Variants in LTBP1 observed in about 807,000 individuals in gnomAD.
The protein encoded by LTBP1 is latent transforming growth factor beta binding protein 1.
LTBP1 carries 129 observed loss-of-function variants against 207.6 expected under a neutral mutation model. The ratio of observed to expected loss-of-function variants is 0.62; its 90% CI spans 0.54 to 0.72. The LOEUF (loss-of-function observed/expected upper bound fraction) is 0.72, where lower values mean the gene tolerates loss of function less well. LTBP1 is among the 30% of genes least tolerant of loss of function. The probability of loss-of-function intolerance (pLI) is 0.00; values close to 1 mark genes in which losing one functional copy is unlikely to be tolerated. For missense variants in LTBP1, 2,281 were observed against 2,217.2 expected (o/e 1.03, Z -0.58); for synonymous variants, 963 against 833.7 (o/e 1.16, Z -2.67).
Position 33,361,483 on chromosome 2 carries a change from C to T in LTBP1, c.4238C>T (p.Ser1413Leu). 1.1e-5 allele frequency: 18 copies of T among 1,611,794 alleles called. No individual in the cohort carries two copies. The highest frequency in any genetic ancestry group is 1.4e-5 in the Non-Finnish European group (17 of 1,179,284). Residue 1413 changes from serine to leucine, a missense_variant, in exon 28 of 34, where the codon TCA (serine) becomes TTA (leucine). Physicochemically the swap from Ser to Leu is moderately radical, Grantham distance 145. This residue lies in a region of LTBP1 where 1,671 missense variants were observed against 1,634.8 expected (regional missense o/e 1.02). Transcript: ENST00000404816. ...KGKGFVPAGESSSEAGGENYK... is the reference protein window; with the variant it reads ...KGKGFVPAGELSSEAGGENYK... The stretch of plus-strand genomic sequence containing the variant: ...AAAGGTTTTGTGCCTGCTGGAGAAT[C>T]ATCTTCTGAAGCTGGTGGTGAGAAC...
intron 2 of LTBP1, among the ~76,000 whole-genome samples, chr2:32,965,027 A>T (rs764104941): frequency 1.3e-5 from 2 of 152,136 alleles, no homozygotes; most frequent in African/African-American, 2.4e-5. Context: ...CGACAGAGCA[A>T]GACTATCTTA....
Position 33,261,404 on chromosome 2 carries a change from G to A in LTBP1, c.2419-1318G>A, listed in dbSNP as rs117523483. On this transcript the variant is annotated intron_variant, in intron 13 of 33. Transcript: ENST00000404816. The stretch of plus-strand genomic sequence containing the variant: ...GTTTTAAGAAGACAGAGGAAATGTG[G>A]GAAAAACTATTAAGTGCTCAGTATT... Among the ~76,000 whole-genome samples, 41 of 152,266 alleles carry A rather than the reference G, an allele frequency of 2.7e-4. 1 individual carries two copies. The East Asian group carries it at 7.5e-3, about 28-fold the overall frequency.
intron 22 of LTBP1, among the ~76,000 whole-genome samples, chr2:33,303,815 G>A (rs750783117): frequency 5.3e-5 from 8 of 152,088 alleles, no homozygotes; most frequent in East Asian, 1.9e-4. Flanking sequence ...CTGCAGTGCC[G>A]CCCGGTTCCT....
intron 7 of LTBP1, among the ~76,000 whole-genome samples, chr2:33,216,170 A>G (rs2090683623): frequency 6.6e-6 from 1 of 152,202 alleles, no homozygotes; most frequent in African/African-American, 2.4e-5. Flanking sequence ...ATACATACGC[A>G]TTTAACAAAA....
intron 2 of LTBP1, among the ~76,000 whole-genome samples, chr2:32,986,292 G>A (rs1572949435): frequency 6.6e-6 from 1 of 152,296 alleles, no homozygotes; most frequent in South Asian, 2.1e-4. Flanking sequence ...AGAGGCAGCC[G>A]GGGCTGAGGG....
intron 10 of LTBP1, among the ~76,000 whole-genome samples, chr2:33,249,506 T>A (rs2092620102): frequency 6.6e-6 from 1 of 152,228 alleles, no homozygotes; most frequent in African/African-American, 2.4e-5. Context: ...GGAACCCGAA[T>A]AATAGTATCT....
chr2:33,024,620 GA>G (rs1361274159), intron 3 of LTBP1, among the ~76,000 whole-genome samples: 1 of 152,204 alleles, frequency 6.6e-6, no homozygotes, highest in African/African-American at 2.4e-5. Context: ...TCAAAGGAAA[GA>G]GCAGTTGTTT....
At chr2:33,309,235 A>G (rs547494602) in intron 22 of LTBP1, among the ~76,000 whole-genome samples, 199 bp from the exon 23 acceptor site, 90 of 151,532 alleles carry the variant, frequency 5.9e-4, no homozygotes, top group Non-Finnish European at 3.4e-4. Context: ...GTGAGCCAAG[A>G]TAGCGCCACT....
chr2:33,121,619 G>A (rs1338970327), intron 4 of LTBP1, among the ~76,000 whole-genome samples: 1 of 152,116 alleles, frequency 6.6e-6, no homozygotes. Context: ...TTCCTCCCAC[G>A]CTTTCAGCTT....
chr2:33,275,847 T>C lies in LTBP1; in HGVS notation c.2916T>C (p.Cys972=), dbSNP rs776840456. Residue 972 remains cysteine, a synonymous_variant, in exon 18 of 34, where the codon TGT becomes TGC. Transcript: ENST00000404816. ...LRPDVCGEGH[C]VNTVGAFRCE... is the part of the protein sequence containing the mutation. ...CGGACGTCTGTGGGGAGGGGCACTGTGTCAATACTGTGGGGGCCTTCCGGT... is the reference window on the plus strand; with the variant it reads ...CGGACGTCTGTGGGGAGGGGCACTGCGTCAATACTGTGGGGGCCTTCCGGT... 1.9e-6 allele frequency: 3 copies of C among 1,613,664 alleles called. No homozygotes were observed. The highest frequency in any genetic ancestry group is 1.7e-6 in the Non-Finnish European group (2 of 1,179,774).
intron 3 of LTBP1, among the ~76,000 whole-genome samples, chr2:33,077,485 G>C (rs1040612207): frequency 6.6e-6 from 1 of 152,182 alleles, no homozygotes; most frequent in Non-Finnish European, 1.5e-5. Flanking sequence ...CAAAGTCAGA[G>C]CAAGCATCTT....
intron 3 of LTBP1, among the ~76,000 whole-genome samples, chr2:33,083,662 A>G (rs1041535988): frequency 2.0e-5 from 3 of 152,142 alleles, no homozygotes; most frequent in African/African-American, 7.2e-5. Flanking sequence ...TGTGGACCTC[A>G]CCCAAGGCTT....
At chr2:33,345,653 A>G (rs995615447) in intron 25 of LTBP1, among the ~76,000 whole-genome samples, 1 of 152,244 alleles carries the variant, frequency 6.6e-6, no homozygotes, top group Non-Finnish European at 1.5e-5. Context: ...ATCTCTTTAT[A>G]TATAAATGAA....
intron 3 of LTBP1, among the ~76,000 whole-genome samples, chr2:33,098,573 C>T (rs1470947800): frequency 6.6e-6 from 1 of 151,952 alleles, no homozygotes; most frequent in African/African-American, 2.4e-5. Flanking sequence ...GCTTGGACTA[C>T]AGGCGCATGC....
At chr2:33,351,876 A>G (rs1240477647) in intron 26 of LTBP1, among the ~76,000 whole-genome samples, 1 of 152,192 alleles carries the variant, frequency 6.6e-6, no homozygotes, top group East Asian at 1.9e-4. Flanking sequence ...CATCCCAGGC[A>G]GTTACATGCT....
intron 4 of LTBP1, among the ~76,000 whole-genome samples, chr2:33,129,300 A>G (rs2081618455): frequency 6.6e-6 from 1 of 152,196 alleles, no homozygotes; most frequent in Non-Finnish European, 1.5e-5. Flanking sequence ...ACACCCAGAA[A>G]AGTTCAGGAC....
At chr2:33,398,270 T>G in intron 33 of LTBP1, 94 bp from the exon 34 acceptor site, 2 of 1,127,526 alleles carry the variant, frequency 1.8e-6, no homozygotes, top group Non-Finnish European at 2.6e-6. Flanking sequence ...TTCCTTGGGG[T>G]GGTCGGGGGA....
chr2:33,358,718 T>C (rs976227134), intron 26 of LTBP1, among the ~76,000 whole-genome samples: 9 of 152,122 alleles, frequency 5.9e-5, no homozygotes, highest in African/African-American at 2.2e-4. Context: ...GCTAGCTACA[T>C]TTTTGGACCA....
At chr2:33,325,805 C>T (rs1286554032) in intron 24 of LTBP1, among the ~76,000 whole-genome samples, 1 of 152,034 alleles carries the variant, frequency 6.6e-6, no homozygotes, top group African/African-American at 2.4e-5. Context: ...GACATTGTTC[C>T]TTATTTCATA....
Sources: gnomAD v4.1 joint callset for allele counts (sites outside exome capture counted in the v4.1 genomes callset) on GRCh38, gnomAD v4.1.1 for gene constraint, gnomAD v4.1.1 regional missense constraint, MANE v1.5 for transcripts, NCBI Gene and HGNC (gene_info 2026-07-23, HGNC 2026-07-21) for gene names.